ADCK1: variants seen among roughly 807,000 people sequenced by gnomAD.
ADCK1 encodes aarF domain containing kinase 1, also known as aarF domain-containing protein kinase 1.
A neutral mutation model predicts 52.3 loss-of-function variants in ADCK1; 41 were observed. The observed-to-expected ratio is 0.78, with a 90% CI of 0.61 to 1.02. The LOEUF (loss-of-function observed/expected upper bound fraction) is 1.02. Among genes scored for constraint, ADCK1 ranks in the 50% least tolerant of loss-of-function variants. The pLI, the probability that ADCK1 is intolerant of heterozygous loss-of-function variation, is 0.00. For synonymous variants in ADCK1, 250 were observed against 274.6 expected, an observed-to-expected ratio of 0.91 and a Z score of 0.89; for missense variants, 658 against 679.5, an observed-to-expected ratio of 0.97 and a Z score of 0.35.
chr14:77,806,460 A>G (rs1456419046), intron 1 of ADCK1, among the ~76,000 whole-genome samples: 2 of 152,088 alleles, frequency 1.3e-5, no homozygotes, highest in Non-Finnish European at 2.9e-5. Context: ...TTCAATTATC[A>G]GTGGTATTGT....
chr14:77,898,289 G>A (rs567791689), intron 5 of ADCK1, among the ~76,000 whole-genome samples: 1 of 152,278 alleles, frequency 6.6e-6, no homozygotes, highest in East Asian at 1.9e-4. Flanking sequence ...ATGATAAGAT[G>A]TGTATCTGTG....
intron 5 of ADCK1, among the ~76,000 whole-genome samples, chr14:77,892,363 G>A (rs377577759): frequency 1.4e-4 from 22 of 152,174 alleles, no homozygotes; most frequent in African/African-American, 4.8e-4. Flanking sequence ...GATGCTTTCA[G>A]TTGGCTCTAA....
intron 3 of ADCK1, among the ~76,000 whole-genome samples, chr14:77,856,769 C>A (rs910131182): frequency 1.3e-5 from 2 of 151,860 alleles, no homozygotes; most frequent in East Asian, 3.9e-4. Flanking sequence ...TTTGGGAGGC[C>A]ACGGCGAGTG....
chr14:77,924,413 A>G, intron 7 of ADCK1, 44 bp from the exon 8 acceptor site: 1 of 1,608,154 alleles, frequency 6.2e-7, no homozygotes, highest in Non-Finnish European at 8.5e-7. Flanking sequence ...CCTCGGATAG[A>G]TGTGAGTGGA....
At chr14:77,918,157 G>A (rs1180176248) in intron 7 of ADCK1, among the ~76,000 whole-genome samples, 3 of 152,126 alleles carry the variant, frequency 2.0e-5, no homozygotes, top group Non-Finnish European at 4.4e-5. Flanking sequence ...AGTAGGGATG[G>A]CACCAGGTTC....
intron 1 of ADCK1, among the ~76,000 whole-genome samples, chr14:77,818,101 A>T (rs984929146): frequency 6.6e-6 from 1 of 152,120 alleles, no homozygotes; most frequent in African/African-American, 2.4e-5. Flanking sequence ...CAGAGGGCTC[A>T]CCTGGCTGCT....
intron 3 of ADCK1, among the ~76,000 whole-genome samples, chr14:77,826,226 A>G (rs2081702113): frequency 6.6e-6 from 1 of 152,174 alleles, no homozygotes; most frequent in African/African-American, 2.4e-5. Context: ...GCATGAGTAA[A>G]TACCGCAGGA....
chr14:77,930,652 G>T (rs1051812711), intron 9 of ADCK1, among the ~76,000 whole-genome samples: 31 of 152,278 alleles, frequency 2.0e-4, no homozygotes, highest in African/African-American at 6.5e-4. Flanking sequence ...ACTTCTCAAT[G>T]CCTGTGTTTC....
At chr14:77,842,461 TTCCTTCCTTC>T in intron 3 of ADCK1, among the ~76,000 whole-genome samples, 1 of 53,202 alleles carries the variant, frequency 1.9e-5, no homozygotes, top group East Asian at 8.3e-4. Flanking sequence ...CCTTCCTTCC[TTCCTTCCTTC>T]CTTCCTTCCT....
intron 4 of ADCK1, among the ~76,000 whole-genome samples, chr14:77,876,387 G>A (rs2082900009): frequency 6.6e-6 from 1 of 152,036 alleles, no homozygotes; most frequent in South Asian, 2.1e-4. Flanking sequence ...CCTCCCTCTT[G>A]TAAGGATTCT....
At chr14:77,894,143 A>G (rs548640377) in intron 5 of ADCK1, among the ~76,000 whole-genome samples, 75 of 152,364 alleles carry the variant, frequency 4.9e-4, no homozygotes, top group Non-Finnish European at 8.7e-4. Flanking sequence ...ATATTAAAAA[A>G]TATCCAGAGA....
At chr14:77,868,247 A>T (rs766692410) in intron 4 of ADCK1, among the ~76,000 whole-genome samples, 17 of 152,174 alleles carry the variant, frequency 1.1e-4, no homozygotes, top group Non-Finnish European at 1.9e-4. Context: ...TTGCTTAATG[A>T]CACAACTGGT....
chr14:77,869,651 T>G (rs994690095), intron 4 of ADCK1, among the ~76,000 whole-genome samples: 1 of 152,172 alleles, frequency 6.6e-6, no homozygotes, highest in Non-Finnish European at 1.5e-5. Context: ...GTTGTAAGGA[T>G]CTTAACTCCA....
intron 1 of ADCK1, among the ~76,000 whole-genome samples, chr14:77,811,814 C>T (rs900664858): frequency 2.0e-5 from 3 of 151,928 alleles, no homozygotes; most frequent in Non-Finnish European, 4.4e-5. Context: ...GTCTCAACAA[C>T]AACAACAACA....
In ADCK1 at chr14:77,933,347, C is replaced by A. The variant is rs147999712; in HGVS notation, c.1528C>A (p.Arg510=). ...TGTGAAGGGGTTGAAGCTGGCTGAC[C>A]GGGTCTTGGCCCTAATATGCTGGCT... The part of the protein sequence containing the change: ...LRVKGLKLAD[R]VLALICWLFP... The change falls in exon 11 of 11, where the codon CGG becomes AGG. Residue 510 remains arginine (R), a synonymous_variant. Transcript: ENST00000238561. 11 of 1,613,988 alleles carry A rather than the reference C, an allele frequency of 6.8e-6. No individual in the cohort carries two copies. In the East Asian group the frequency reaches 2.5e-4, roughly 36 times the overall value.
chr14:77,847,447 G>A (rs1010406303), intron 3 of ADCK1, among the ~76,000 whole-genome samples: 16 of 152,202 alleles, frequency 1.1e-4, no homozygotes, highest in African/African-American at 3.6e-4. Flanking sequence ...GCAGGCGCCT[G>A]TAGTCCCAGC....
chr14:77,883,894 G>T (rs902132045), intron 4 of ADCK1, among the ~76,000 whole-genome samples: 4 of 152,188 alleles, frequency 2.6e-5, no homozygotes, highest in Non-Finnish European at 5.9e-5. Flanking sequence ...GATTCCCCTG[G>T]TGGGGATGGG....
At chr14:77,831,760 C>T (rs1317982978) in intron 3 of ADCK1, among the ~76,000 whole-genome samples, 2 of 151,984 alleles carry the variant, frequency 1.3e-5, no homozygotes. Flanking sequence ...CAGCCTCCTG[C>T]AACCTTTAGA....
chr14:77,900,534 C>T (rs1252019033), intron 6 of ADCK1: 3 of 451,882 alleles, frequency 6.6e-6, no homozygotes, highest in Non-Finnish European at 1.3e-5. Flanking sequence ...TTGTAGTGAG[C>T]TGAGATCATG....
Sources: gnomAD v4.1 joint callset for allele counts (sites outside exome capture counted in the v4.1 genomes callset) on GRCh38, gnomAD v4.1.1 for gene constraint, MANE v1.5 for transcripts, NCBI Gene and HGNC (gene_info 2026-07-23, HGNC 2026-07-21) for gene names.